ASAH2: variants seen among roughly 807,000 people sequenced by gnomAD.
ASAH2 encodes the protein neutral ceramidase.
A neutral mutation model predicts 82.9 loss-of-function variants in ASAH2; 58 were observed. The observed-to-expected ratio is 0.70, with a 90% CI of 0.57 to 0.87. ASAH2 has a LOEUF of 0.87. ASAH2 is among the 40% of genes least tolerant of loss of function. The pLI is 0.00. For synonymous variants in ASAH2, 276 were observed against 289.7 expected (o/e 0.95, Z 0.48); for missense variants, 779 against 834.0 (o/e 0.93, Z 0.81).
rs569560004 is a variant in ASAH2 at position 50,251,251 on chromosome 10, G to A, written c.-37+144C>T. Among the ~76,000 whole-genome samples, 3 of 152,286 alleles carry A rather than the reference G, an allele frequency of 2.0e-5. No homozygotes were observed. In the East Asian group the frequency reaches 5.8e-4, roughly 29 times the overall value. On this transcript the variant is annotated intron_variant, in intron 1 of 20. Coordinates refer to ENST00000682911, the MANE Select transcript of ASAH2 (RefSeq NM_019893.4). The stretch of plus-strand genomic sequence containing the variant: ...GGGGTCCCTGTTTTTCAAGGAGAGA[G>A]TAAAAGGTAACAATTTGGCAAAAGA...
chr10:50,203,621 T>C lies in ASAH2; in HGVS notation c.1665+19A>G, dbSNP rs1241482697. 1 of 1,606,526 alleles carries C rather than the reference T, an allele frequency of 6.2e-7. No individual in the cohort carries two copies. Among genetic ancestry groups the C allele is most frequent in the Non-Finnish European group, 8.5e-7 (1 of 1,173,728 alleles). ...ACCAAACATGAACATGTAGATATGT[T>C]ATTTTATTTTTAACTTACTGCTTGA... On this transcript the variant is annotated intron_variant, in intron 15 of 20. Coordinates refer to ENST00000682911, the MANE Select transcript of ASAH2 (RefSeq NM_019893.4).
chr10:50,213,632 G>A (rs1353715925), intron 9 of ASAH2, among the ~76,000 whole-genome samples: 3 of 152,026 alleles, frequency 2.0e-5, no homozygotes, highest in Non-Finnish European at 2.9e-5. Flanking sequence ...GAGGGTGTGG[G>A]CAGACCCTCC....
intron 4 of ASAH2, among the ~76,000 whole-genome samples, chr10:50,236,462 G>C (rs1459185243): frequency 1.3e-5 from 2 of 151,966 alleles, no homozygotes; most frequent in African/African-American, 4.8e-5. Context: ...CCTCCCATGG[G>C]GTCCCTCCCA....
chr10:50,224,174 T>C (rs1845819024), intron 7 of ASAH2, among the ~76,000 whole-genome samples: 1 of 152,134 alleles, frequency 6.6e-6, no homozygotes, highest in Admixed American at 6.6e-5. Flanking sequence ...TGTAACATAA[T>C]GATAATAGTA....
chr10:50,214,923 T>C, intron 8 of ASAH2, 55 bp from the exon 9 acceptor site: 1 of 1,604,312 alleles, frequency 6.2e-7, no homozygotes, highest in Non-Finnish European at 8.5e-7. Context: ...CTGTAATGAA[T>C]GCCATTAGAA....
intron 4 of ASAH2, 141 bp downstream of exon 4, chr10:50,243,061 A>G (rs940824803): frequency 1.0e-5 from 10 of 984,856 alleles, no homozygotes; most frequent in Admixed American, 2.3e-5. Context: ...ATTATCTGCT[A>G]TATTGTCCAG....
Position 50,233,211 on chromosome 10 carries a change from A to C in ASAH2, c.866T>G (p.Leu289Trp). 6.2e-7 allele frequency: 1 copy of C among 1,612,032 alleles called. No homozygotes were observed. Among genetic ancestry groups the C allele is most frequent in the South Asian group, 1.1e-5 (1 of 91,048 alleles). The change falls in exon 7 of 21, where the codon TTG (leucine) becomes TGG (tryptophan). Residue 289 changes from leucine (L) to tryptophan (W), a missense_variant. By Grantham distance (61) the Leu-to-Trp change is moderately conservative. Transcript: ENST00000682911. ...GATAAGGCCCAAGTCATCTCCATTC[A>C]AATCTACCATTTTCAAAACTATCAT... Reference protein sequence around the residue: ...KEMIVLKMVDLNGDDLGLISW... With the variant: ...KEMIVLKMVDWNGDDLGLISW...
chr10:50,229,114 TG>T (rs1233227203), intron 7 of ASAH2, among the ~76,000 whole-genome samples: 1 of 152,180 alleles, frequency 6.6e-6, no homozygotes, highest in African/African-American at 2.4e-5. Flanking sequence ...ATTTGAAACC[TG>T]TTTTGCTTTC....
intron 7 of ASAH2, among the ~76,000 whole-genome samples, chr10:50,227,532 G>A (rs1013690071): frequency 3.3e-5 from 5 of 151,968 alleles, no homozygotes; most frequent in Non-Finnish European, 7.4e-5. Context: ...TGATTGATTC[G>A]AGGTAGTATA....
chr10:50,245,623 A>C (rs994015959), intron 2 of ASAH2, among the ~76,000 whole-genome samples, 169 bp from the exon 3 acceptor site: 10 of 152,188 alleles, frequency 6.6e-5, no homozygotes, highest in Non-Finnish European at 1.5e-5. Flanking sequence ...TAAAAATCAT[A>C]ATCCTAAACA....
chr10:50,203,081 A>G (rs2133200985), intron 15 of ASAH2, among the ~76,000 whole-genome samples, 157 bp from the exon 16 acceptor site: 1 of 152,174 alleles, frequency 6.6e-6, no homozygotes, highest in East Asian at 1.9e-4. Context: ...GGACAAGTCA[A>G]TGGATCTACA....
At position 50,245,463 on chromosome 10, in the gene ASAH2, G is replaced by C; in HGVS notation, c.128-9C>G. The C allele has an allele frequency of 6.2e-7, 1 of 1,603,986 alleles. No homozygotes were observed. The highest frequency in any genetic ancestry group is 8.5e-7 in the Non-Finnish European group (1 of 1,173,730). ...AAAATGGCCTCCTAAATCTAAAACA[G>C]AATAAGAGATTTGAGAAACAACATT... On this transcript the variant is annotated splice_polypyrimidine_tract_variant and intron_variant, in intron 2 of 20. Transcript: ENST00000682911.
rs761627134 is a variant in ASAH2, at chr10:50,245,259, C to A, written c.323G>T (p.Arg108Leu). The change falls in exon 3 of 21, where the codon CGA (arginine) becomes CTA (leucine). Residue 108 changes from arginine (R) to leucine (L), a missense_variant. Physicochemically the swap from Arg to Leu is moderately radical, Grantham distance 102. Transcript: ENST00000682911. ...NFSGYHIGVG[R>L]ADCTGQVADI... ...TGCTACTTGTCCTGTGCAGTCAGCTCGTCCAACACCAATATGGTAGCCACT... is the reference window on the plus strand; with the variant it reads ...TGCTACTTGTCCTGTGCAGTCAGCTAGTCCAACACCAATATGGTAGCCACT... 6.2e-7 allele frequency: 1 copy of A among 1,614,052 alleles called. No homozygotes were observed. Among genetic ancestry groups the A allele is most frequent in the Middle Eastern group, 1.6e-4 (1 of 6,062 alleles).
chr10:50,206,211 G>A, intron 12 of ASAH2, 114 bp from the exon 13 acceptor site: 3 of 840,342 alleles, frequency 3.6e-6, no homozygotes, highest in Admixed American at 1.9e-5. Context: ...ATTTTATTGA[G>A]GTTGTTGTTC....
At chr10:50,244,562 C>G (rs1846395237) in intron 3 of ASAH2, among the ~76,000 whole-genome samples, 1 of 152,208 alleles carries the variant, frequency 6.6e-6, no homozygotes, top group Non-Finnish European at 1.5e-5. Flanking sequence ...TAGTGAAGCA[C>G]TGACATAAAT....
At position 50,206,116 on chromosome 10, in the gene ASAH2, T is replaced by TTTC. The variant is rs1845288779; in HGVS notation, c.1415-20_1415-19insGAA. 3.2e-6 allele frequency: 5 copies of TTTC among 1,543,436 alleles called. No homozygotes were observed. The highest frequency in any genetic ancestry group is 4.5e-6 in the Non-Finnish European group (5 of 1,116,040). On this transcript the variant is annotated intron_variant, in intron 12 of 20. Transcript: ENST00000682911. ...GTTTTCCCTATTAGAAATGTTATAA[T>TTTC]TAGTATACTTCCTTGAACCAACCCT...
chr10:50,247,455 G>A (rs1027591996), intron 2 of ASAH2, among the ~76,000 whole-genome samples: 2 of 151,858 alleles, frequency 1.3e-5, no homozygotes, highest in Admixed American at 6.6e-5. Flanking sequence ...GTGAGCCACC[G>A]GGCCCAGCCA....
At chr10:50,241,519 C>T (rs1299319412) in intron 4 of ASAH2, among the ~76,000 whole-genome samples, 2 of 152,120 alleles carry the variant, frequency 1.3e-5, no homozygotes, top group Non-Finnish European at 2.9e-5. Context: ...GTGGTCAATG[C>T]ATTTTTCCTT....
At chr10:50,206,154 A>ATTTCCTT (rs2133203106) in intron 12 of ASAH2, 57 bp from the exon 13 acceptor site, 1 of 1,193,072 alleles carries the variant, frequency 8.4e-7, no homozygotes, top group East Asian at 2.3e-5. Context: ...CAAAAAAGTC[A>ATTTCCTT]TTATCTTGAC....
Sources: gnomAD v4.1 joint callset for allele counts (sites outside exome capture counted in the v4.1 genomes callset) on GRCh38, gnomAD v4.1.1 for gene constraint, MANE v1.5 for transcripts, NCBI Gene and HGNC (gene_info 2026-07-23, HGNC 2026-07-21) for gene names.